The following HDAC9 variants were observed in gnomAD, a reference collection of about 807,000 sequenced individuals.
HDAC9 encodes the protein histone deacetylase 9, also known as MEF-2 interacting transcription repressor (MITR) protein.
A neutral mutation model predicts 139.4 loss-of-function variants in HDAC9; 41 were observed. The observed-to-expected ratio is 0.29, with a 90% CI of 0.23 to 0.38. The LOEUF (loss-of-function observed/expected upper bound fraction) is 0.38. HDAC9 is among the 10% of genes least tolerant of loss of function. The pLI is 1.00. For synonymous variants in HDAC9, 517 were observed against 476.2 expected, an observed-to-expected ratio of 1.09 and a Z score of -1.12; for missense variants, 1,147 against 1,297.0, an observed-to-expected ratio of 0.88 and a Z score of 1.78.
chr7:18,732,409 C>A (rs939953643), intron 13 of HDAC9, among the ~76,000 whole-genome samples: 1 of 149,708 alleles, frequency 6.7e-6, no homozygotes, highest in African/African-American at 2.5e-5. Context: ...TATTTGTATA[C>A]ATATCTATGT....
intron 1 of HDAC9, among the ~76,000 whole-genome samples, chr7:18,449,970 A>G (rs1170928031): frequency 6.6e-6 from 1 of 152,198 alleles, no homozygotes; most frequent in Non-Finnish European, 1.5e-5. Flanking sequence ...TTTTCATGAC[A>G]TTAAATATTT....
intron 22 of HDAC9, among the ~76,000 whole-genome samples, chr7:18,916,906 G>T (rs1319089312): frequency 2.0e-5 from 3 of 151,964 alleles, no homozygotes; most frequent in African/African-American, 7.2e-5. Context: ...CATCTCAACA[G>T]TCTGCACATC....
In HDAC9 at chr7:18,695,912, C is replaced by G. The variant is rs536414471; in HGVS notation, c.1731+29436C>G. ...TCACACGTTTTTATTTATTTTCTGGCTAGTATTTTGAATATAATGGACCTA... is the reference window on the plus strand; with the variant it reads ...TCACACGTTTTTATTTATTTTCTGGGTAGTATTTTGAATATAATGGACCTA... On this transcript the variant is annotated intron_variant, in intron 12 of 25. Transcript: ENST00000686413. 3.9e-5 allele frequency among the ~76,000 whole-genome samples: 6 copies of G among 152,140 alleles called. No homozygotes were observed. In the Middle Eastern group the frequency reaches 0.01, roughly 261 times the overall value.
intron 6 of HDAC9, among the ~76,000 whole-genome samples, chr7:18,614,383 C>A (rs1002283408): frequency 6.6e-6 from 1 of 152,136 alleles, no homozygotes; most frequent in Admixed American, 6.6e-5. Flanking sequence ...CTTTTGGGTT[C>A]AGTTCTGTCT....
Position 18,561,645 on chromosome 7 carries a change from C to A in HDAC9, c.23-23636C>A, listed in dbSNP as rs1161955807. 3.5e-5 allele frequency among the ~76,000 whole-genome samples: 3 copies of A among 85,496 alleles called. No individual in the cohort carries two copies. In the East Asian group the frequency reaches 8.8e-4, roughly 25 times the overall value. 56.1% of individuals were successfully genotyped at this position (85,496 alleles called of 152,430 possible). ...ATTAATCACTAATCTATTTTTTTATCTCTATAAATGTGCCCATTTTTTGGA... is the reference window on the plus strand; with the variant it reads ...ATTAATCACTAATCTATTTTTTTATATCTATAAATGTGCCCATTTTTTGGA... On this transcript the variant is annotated intron_variant, in intron 2 of 25. Coordinates refer to ENST00000686413, the MANE Select transcript of HDAC9 (RefSeq NM_178425.4).
At chr7:18,553,544 C>T (rs1817787990) in intron 2 of HDAC9, among the ~76,000 whole-genome samples, 2 of 152,300 alleles carry the variant, frequency 1.3e-5, no homozygotes, top group South Asian at 4.1e-4. Context: ...TTTTATTCTG[C>T]ACTTTTCATA....
intron 2 of HDAC9, among the ~76,000 whole-genome samples, chr7:18,516,247 G>A (rs139643052): frequency 5.9e-5 from 9 of 152,224 alleles, no homozygotes; most frequent in African/African-American, 1.4e-4. Context: ...GGCTTATTGC[G>A]TTGGTTTCTA....
chr7:18,879,002 C>T (rs62448080), intron 22 of HDAC9, among the ~76,000 whole-genome samples: 8,943 of 152,138 alleles, frequency 0.059, 465 homozygotes, highest in Middle Eastern at 0.14. Flanking sequence ...AGTAGCATTC[C>T]TACACACCAA....
intron 11 of HDAC9, among the ~76,000 whole-genome samples, chr7:18,653,715 C>G (rs1584635024): frequency 6.6e-6 from 1 of 152,100 alleles, no homozygotes. Context: ...TGTTTATGTT[C>G]TGACAAGCAA....
At chr7:18,732,874 C>T in intron 13 of HDAC9, among the ~76,000 whole-genome samples, 1 of 88,258 alleles carries the variant, frequency 1.1e-5, no homozygotes, top group Admixed American at 1.0e-4. Flanking sequence ...TGTGTACACA[C>T]ACACGTGTGC....
chr7:18,273,439 C>G (rs1210502751), intron 2 of HDAC9, among the ~76,000 whole-genome samples: 1 of 151,976 alleles, frequency 6.6e-6, no homozygotes, highest in Non-Finnish European at 1.5e-5. Context: ...CCAGAAAGGA[C>G]TAATTTACAC....
At chr7:18,162,894 C>T (rs1787741863) in intron 2 of HDAC9, among the ~76,000 whole-genome samples, 1 of 152,132 alleles carries the variant, frequency 6.6e-6, no homozygotes, top group Non-Finnish European at 1.5e-5. Context: ...TCATGTAGTG[C>T]TGTGATCAGC....
At chr7:18,796,806 C>G (rs1383046111) in intron 17 of HDAC9, among the ~76,000 whole-genome samples, 1 of 152,066 alleles carries the variant, frequency 6.6e-6, no homozygotes, top group Non-Finnish European at 1.5e-5. Flanking sequence ...ATTTTGTAAT[C>G]ATAAATAAAA....
At chr7:18,469,022 C>T (rs1199602442) in intron 1 of HDAC9, among the ~76,000 whole-genome samples, 1 of 152,188 alleles carries the variant, frequency 6.6e-6, no homozygotes, top group African/African-American at 2.4e-5. Flanking sequence ...TGCCATTTCT[C>T]TAAGTCTTAT....
At chr7:18,861,304 A>T (rs1798087820) in intron 21 of HDAC9, among the ~76,000 whole-genome samples, 1 of 152,172 alleles carries the variant, frequency 6.6e-6, no homozygotes, top group East Asian at 1.9e-4. Flanking sequence ...GCATGTTTCA[A>T]CATTTTGTTG....
chr7:18,858,055 T>C (rs559663551), intron 21 of HDAC9, among the ~76,000 whole-genome samples: 2 of 152,332 alleles, frequency 1.3e-5, no homozygotes, highest in Admixed American at 1.3e-4. Flanking sequence ...TCTTGGATTC[T>C]GCCGGCTGTT....
chr7:18,769,219 G>A (rs1014253819), intron 16 of HDAC9, among the ~76,000 whole-genome samples: 2 of 152,098 alleles, frequency 1.3e-5, no homozygotes, highest in Admixed American at 6.6e-5. Context: ...CCTTCAATGC[G>A]AAGTTCCTCT....
intron 13 of HDAC9, among the ~76,000 whole-genome samples, chr7:18,740,025 A>G (rs75616184): frequency 8.5e-5 from 13 of 152,126 alleles, no homozygotes; most frequent in Non-Finnish European, 2.9e-5. Context: ...TCCATCTCAG[A>G]CTGCTCTGCT....
At chr7:18,195,921 TTTTTTCTGTCTTCCTCCTGTTAA>T (rs1790697323) in intron 2 of HDAC9, among the ~76,000 whole-genome samples, 1 of 152,166 alleles carries the variant, frequency 6.6e-6, no homozygotes, top group South Asian at 2.1e-4. Flanking sequence ...TTGAAATGCC[TTTTTTCTGTCTTCCTCCTGTTAA>T]TTTATCCTCT....
Sources: allele counts gnomAD v4.1 joint callset (sites outside exome capture counted in the v4.1 genomes callset), GRCh38; gene constraint gnomAD v4.1.1; transcripts MANE v1.5; gene names NCBI Gene and HGNC (gene_info 2026-07-23, HGNC 2026-07-21).